The following SYVN1 variants were observed in gnomAD, a reference collection of about 807,000 sequenced individuals.
SYVN1 encodes the protein E3 ubiquitin-protein ligase synoviolin.
Under a neutral mutation model 62.6 loss-of-function variants are expected in SYVN1, and 17 were observed. The ratio of observed to expected loss-of-function variants is 0.27; its 90% confidence interval spans 0.19 to 0.41. The LOEUF (loss-of-function observed/expected upper bound fraction) is 0.41. Among genes scored for constraint, SYVN1 ranks in the 10% least tolerant of loss-of-function variants. SYVN1 has a pLI of 1.00. For synonymous variants in SYVN1, 316 were observed against 304.0 expected, an observed-to-expected ratio of 1.04 and a Z score of -0.41; for missense variants, 634 against 818.0, an observed-to-expected ratio of 0.78 and a Z score of 2.74.
intron 14 of SYVN1, chr11:65,128,990 C>T (rs1948140242): frequency 2.3e-6 from 1 of 443,364 alleles, no homozygotes; most frequent in Non-Finnish European, 4.0e-6. Flanking sequence ...GGGAGTCAGG[C>T]ACCTTATAGG....
rs1948222509 is a variant in SYVN1, at chr11:65,134,477, C to T, written c.-39G>A. The T allele has an allele frequency of 6.5e-6, 1 of 152,744 alleles. No individual in the cohort carries two copies. Among genetic ancestry groups the T allele is most frequent in the Non-Finnish European group, 1.5e-5 (1 of 68,124 alleles). The allele number at this position is 152,744 out of a possible 1,614,324, so 9.5% of individuals were successfully genotyped here. The stretch of plus-strand genomic sequence containing the variant: ...TCACCAGGAACCCAGCGCCGCGAGC[C>T]CGCTCAATCCGCGCGACTGCGGCTG... On this transcript the variant is annotated 5_prime_UTR_variant, in exon 1 of 16. Transcript: ENST00000377190.
intron 15 of SYVN1, 23 bp from the exon 16 acceptor site, chr11:65,128,511 T>C (rs1172699603): frequency 1.9e-6 from 3 of 1,613,264 alleles, no homozygotes; most frequent in Non-Finnish European, 2.5e-6. Flanking sequence ...AGACTGGAAG[T>C]GGAACCTAGA....
intron 13 of SYVN1, 28 bp from the exon 14 acceptor site, chr11:65,129,943 T>G (rs1361230370): frequency 2.5e-6 from 4 of 1,608,616 alleles, no homozygotes; most frequent in Non-Finnish European, 2.6e-6. Flanking sequence ...CAGTCTGGGC[T>G]GCTGGGGCCA....
chr11:65,132,613 G>T, intron 5 of SYVN1, 119 bp downstream of exon 5: 1 of 1,236,254 alleles, frequency 8.1e-7, no homozygotes. Context: ...CAGAGACTAT[G>T]CAAATTAACT....
At chr11:65,128,887 C>T in intron 14 of SYVN1, 173 bp from the exon 15 acceptor site, 1 of 679,756 alleles carries the variant, frequency 1.5e-6, no homozygotes, top group African/African-American at 1.8e-5. Flanking sequence ...GGTGACTGGA[C>T]TCAAGGGCCA....
Position 65,132,305 on chromosome 11 carries a change from G to A in SYVN1, c.474C>T (p.His158=), listed in dbSNP as rs759987153. Residue 158 remains histidine (H), a synonymous_variant, in exon 6 of 16, where the codon CAC becomes CAT. Coordinates refer to ENST00000377190, the MANE Select transcript of SYVN1 (RefSeq NM_172230.3). ...CACGGGTCAGGATGCTGTGATAGGC[G>A]TGGCTGACGAAGAGGAAGTCCAGGA... ...LGILDFLFVS[H]AYHSILTRGA... 3.0e-5 allele frequency: 48 copies of A among 1,614,018 alleles called. No homozygotes were observed. Among genetic ancestry groups the A allele is most frequent in the Non-Finnish European group, 3.8e-5 (45 of 1,179,998 alleles).
rs1948122960 is a variant in SYVN1 at position 65,127,994 on chromosome 11, C to T, written c.*388G>A. On this transcript the variant is annotated 3_prime_UTR_variant, in exon 16 of 16. Transcript: ENST00000377190. Reference sequence around the variant, plus strand: ...CCCCTCTGGAGTCCACACTTGGGAACGGGAGCTAATACTGTTCGGCACTGC... The same window carrying T: ...CCCCTCTGGAGTCCACACTTGGGAATGGGAGCTAATACTGTTCGGCACTGC... 4 of 246,604 alleles carry T rather than the reference C, an allele frequency of 1.6e-5. No individual in the cohort carries two copies. Among genetic ancestry groups the T allele is most frequent in the Non-Finnish European group, 2.4e-5 (3 of 127,062 alleles). The allele number at this position is 246,604 out of a possible 1,614,324, so 15.3% of individuals were successfully genotyped here.
Position 65,129,992 on chromosome 11 carries a change from C to G in SYVN1, c.1408+10G>C. On this transcript the variant is annotated intron_variant, in intron 13 of 15. Transcript: ENST00000377190. The stretch of plus-strand genomic sequence containing the variant: ...CCCCCAAGAAGAACCCAGAGAGTGG[C>G]CCAGCTTACCAAAGGGTGGAGGCAG... 1 of 1,593,294 alleles carries G rather than the reference C, an allele frequency of 6.3e-7. No homozygotes were observed. Among genetic ancestry groups the G allele is most frequent in the Non-Finnish European group, 8.6e-7 (1 of 1,166,794 alleles).
chr11:65,129,620 G>A (rs1948148222), intron 14 of SYVN1, 109 bp downstream of exon 14: 8 of 1,073,876 alleles, frequency 7.4e-6, no homozygotes, highest in Non-Finnish European at 1.1e-5. Context: ...CCTGTAGATA[G>A]GCAGCCTGAA....
chr11:65,131,503 C>T lies in SYVN1; in HGVS notation c.625G>A (p.Ala209Thr). 1 of 1,614,040 alleles carries T rather than the reference C, an allele frequency of 6.2e-7. No homozygotes were observed. The highest frequency in any genetic ancestry group is 8.5e-7 in the Non-Finnish European group (1 of 1,179,960). The part of the protein sequence containing the change: ...LQSENPWDNK[A>T]VYMLYTELFT... ...AGCTCTGTGTAGAGCATGTACACAG[C>T]CTTGTTGTCCCAGGGGTTCTCACTC... is the stretch of plus-strand genomic sequence containing the variant. Residue 209 changes from alanine (A) to threonine (T), a missense_variant, in exon 7 of 16, where the codon GCT becomes ACT. Physicochemically the swap from Ala to Thr is moderately conservative, Grantham distance 58 (BLOSUM62 0). Transcript: ENST00000377190.
Position 65,128,395 on chromosome 11 carries a change from G to A in SYVN1, c.1841C>T (p.Pro614Leu). The change falls in exon 16 of 16, where the codon CCT becomes CTT. Residue 614 changes from proline (P) to leucine (L), a missense_variant. Transcript: ENST00000377190. The stretch of plus-strand genomic sequence containing the variant: ...GCTGGGGCAGTGTCAGTGGGCAACA[G>A]GAGACTCCAGCTTCTGCAGGCGGCG... Reference protein sequence around the residue: ...RRRRLQKLESPVAH With the variant: ...RRRRLQKLESLVAH 6.2e-7 allele frequency: 1 copy of A among 1,613,116 alleles called. No individual in the cohort carries two copies. Among genetic ancestry groups the A allele is most frequent in the Non-Finnish European group, 8.5e-7 (1 of 1,179,810 alleles).
intron 14 of SYVN1, 102 bp from the exon 15 acceptor site, chr11:65,128,816 G>A (rs531173414): frequency 6.4e-6 from 8 of 1,256,404 alleles, no homozygotes; most frequent in Non-Finnish European, 8.6e-6. Flanking sequence ...ATAGAATGAT[G>A]TGCCCTTGTG....
At chr11:65,129,666 G>A (rs1948148762) in intron 14 of SYVN1, 63 bp downstream of exon 14, 3 of 1,524,538 alleles carry the variant, frequency 2.0e-6, no homozygotes, top group Non-Finnish European at 1.8e-6. Flanking sequence ...CACTGCTGGG[G>A]ACCTCTTGGC....
chr11:65,129,665 G>A, intron 14 of SYVN1, 64 bp downstream of exon 14: 1 of 1,525,576 alleles, frequency 6.6e-7, no homozygotes, highest in Non-Finnish European at 9.0e-7. Flanking sequence ...CCACTGCTGG[G>A]GACCTCTTGG....
At chr11:65,128,510 G>A (rs370604603) in intron 15 of SYVN1, 22 bp from the exon 16 acceptor site, 1 of 1,613,348 alleles carries the variant, frequency 6.2e-7, no homozygotes, top group Non-Finnish European at 8.5e-7. Context: ...GAGACTGGAA[G>A]TGGAACCTAG....
rs1948151853 is a variant in SYVN1 at position 65,129,867 on chromosome 11, G to A, written c.1457C>T (p.Pro486Leu). 1.2e-6 allele frequency: 2 copies of A among 1,614,096 alleles called. No individual in the cohort carries two copies. The highest frequency in any genetic ancestry group is 2.2e-5 in the East Asian group (1 of 44,890). ...GCCCTCCAGAGCTCGTAGCTCCTCTGGGGTCAGCCCAGCAAAGCCCGCAGG... is the reference window on the plus strand; with the variant it reads ...GCCCTCCAGAGCTCGTAGCTCCTCTAGGGTCAGCCCAGCAAAGCCCGCAGG... ...VPPAGFAGLT[P>L]EELRALEGHE... Residue 486 changes from proline (P) to leucine (L), a missense_variant, in exon 14 of 16, where the codon CCA becomes CTA. Pro to Leu is a moderately conservative substitution (Grantham distance 98, BLOSUM62 -3). Coordinates refer to ENST00000377190, the MANE Select transcript of SYVN1 (RefSeq NM_172230.3).
chr11:65,133,766 C>T, intron 1 of SYVN1, 148 bp from the exon 2 acceptor site: 1 of 685,836 alleles, frequency 1.5e-6, no homozygotes, highest in Non-Finnish European at 2.4e-6. Flanking sequence ...TTACGCTACC[C>T]CATTTTACAA....
chr11:65,128,847 CAAGTG>C (rs1024631316), intron 14 of SYVN1, 133 bp from the exon 15 acceptor site: 2 of 926,128 alleles, frequency 2.2e-6, no homozygotes, highest in Non-Finnish European at 3.2e-6. Flanking sequence ...CTGGCAAACA[CAAGTG>C]AACATGCTGA....
chr11:65,133,202 C>T lies in SYVN1; in HGVS notation c.183G>A (p.Met61Ile), dbSNP rs762484896. 4 of 1,614,174 alleles carry T rather than the reference C, an allele frequency of 2.5e-6. No homozygotes were observed. Among genetic ancestry groups the T allele is most frequent in the Non-Finnish European group, 2.5e-6 (3 of 1,180,032 alleles). Reference protein sequence around the residue: ...FVLVFLLGKVMGKVFFGQLRA... With the variant: ...FVLVFLLGKVIGKVFFGQLRA... ...TCAGTTGCCCAAAGAACACCTTGCCCATCACCTTGCCCAGAAGGAAGACAA... is the reference window on the plus strand; with the variant it reads ...TCAGTTGCCCAAAGAACACCTTGCCTATCACCTTGCCCAGAAGGAAGACAA... Residue 61 changes from methionine (M) to isoleucine (I), a missense_variant, in exon 3 of 16, where the codon ATG becomes ATA. By Grantham distance (10) the Met-to-Ile change is conservative (BLOSUM62 1). Transcript: ENST00000377190.
Sources: gnomAD v4.1 joint callset for allele counts on GRCh38, gnomAD v4.1.1 for gene constraint, MANE v1.5 for transcripts, NCBI Gene and HGNC (gene_info 2026-07-23, HGNC 2026-07-21) for gene names.